STARD3NL: variants seen among roughly 807,000 people sequenced by gnomAD.
STARD3NL encodes STARD3 N-terminal-like protein.
STARD3NL carries 17 observed loss-of-function variants against 30.9 expected under a neutral mutation model. The ratio of observed to expected loss-of-function variants is 0.55; its 90% confidence interval spans 0.38 to 0.82. STARD3NL has a LOEUF of 0.82. STARD3NL is among the 40% of genes least tolerant of loss of function. STARD3NL has a pLI of 0.00. For synonymous variants in STARD3NL, 112 were observed against 100.5 expected (o/e 1.11, Z -0.69); for missense variants, 234 against 277.6 (o/e 0.84, Z 1.12).
intron 1 of STARD3NL, among the ~76,000 whole-genome samples, chr7:38,205,199 A>G (rs1583803086): frequency 1.3e-5 from 2 of 152,208 alleles, no homozygotes; most frequent in East Asian, 3.8e-4. Flanking sequence ...AGAATTTTAG[A>G]CCAATATCCC....
intron 1 of STARD3NL, among the ~76,000 whole-genome samples, chr7:38,199,004 C>G (rs116585608): frequency 3.5e-4 from 53 of 152,306 alleles, no homozygotes; most frequent in African/African-American, 1.1e-3. Flanking sequence ...AAATAGCTGA[C>G]TGATAATGTA....
intron 1 of STARD3NL, among the ~76,000 whole-genome samples, chr7:38,182,019 A>G (rs1784269071): frequency 6.6e-6 from 1 of 152,180 alleles, no homozygotes. Context: ...CTTTTCTCAT[A>G]GCACTTTTGG....
Position 38,215,106 on chromosome 7 carries a change from G to A in STARD3NL, c.381+1G>A, listed in dbSNP as rs778879762. 2.5e-6 allele frequency: 4 copies of A among 1,613,816 alleles called. No homozygotes were observed. Among genetic ancestry groups the A allele is most frequent in the Non-Finnish European group, 3.4e-6 (4 of 1,179,814 alleles). The stretch of plus-strand genomic sequence containing the variant: ...ACTGCGCCATTGGTGGGCAATAGCG[G>A]TGAGTATGCCCTGCATGAGTGGGTC... On this transcript the variant is annotated splice_donor_variant, in intron 4 of 8. Coordinates refer to ENST00000009041, the MANE Select transcript of STARD3NL (RefSeq NM_032016.4). LOFTEE classifies it high-confidence loss of function.
At chr7:38,219,472 G>T (rs1717267461) in intron 6 of STARD3NL, 93 bp from the exon 7 acceptor site, 1 of 806,590 alleles carries the variant, frequency 1.2e-6, no homozygotes. Flanking sequence ...GTATTTCATT[G>T]TAATAATAAT....
intron 1 of STARD3NL, among the ~76,000 whole-genome samples, chr7:38,189,505 A>G (rs1014136): frequency 0.23 from 34,392 of 152,094 alleles, 3,925 homozygotes; most frequent in Middle Eastern, 0.26. Flanking sequence ...CAGGGAACAA[A>G]TGAAGGAGCA....
At chr7:38,184,856 A>G (rs1784398141) in intron 1 of STARD3NL, among the ~76,000 whole-genome samples, 1 of 149,056 alleles carries the variant, frequency 6.7e-6, no homozygotes, top group Non-Finnish European at 1.5e-5. Context: ...ATATATATGT[A>G]TTTCCATAGT....
At chr7:38,188,147 C>T (rs11766341) in intron 1 of STARD3NL, among the ~76,000 whole-genome samples, 64,651 of 152,056 alleles carry the variant, frequency 0.43, 14,075 homozygotes, top group East Asian at 0.5. Context: ...GAAAATCTTC[C>T]GGTGTCTTCC....
intron 2 of STARD3NL, among the ~76,000 whole-genome samples, chr7:38,211,147 A>T (rs890836113): frequency 2.0e-5 from 3 of 152,232 alleles, no homozygotes; most frequent in Non-Finnish European, 4.4e-5. Context: ...CACTATTGTT[A>T]CATTTAAGTT....
In STARD3NL at chr7:38,178,332, C is replaced by T. The variant is rs1784098118; in HGVS notation, c.-147C>T. The stretch of plus-strand genomic sequence containing the variant: ...TGGACTGGGTCCCGGTCACGCCCCG[C>T]CAAGCCCCGCCCCTCAGGCCGGGGC... On this transcript the variant is annotated 5_prime_UTR_variant, in exon 1 of 9. Coordinates refer to ENST00000009041, the MANE Select transcript of STARD3NL (RefSeq NM_032016.4). 6.6e-6 allele frequency: 1 copy of T among 152,144 alleles called. No homozygotes were observed. The highest frequency in any genetic ancestry group is 1.5e-5 in the Non-Finnish European group (1 of 68,020). The allele number at this position is 152,144 out of a possible 1,614,324, so 9.4% of individuals were successfully genotyped here.
In STARD3NL at chr7:38,215,075, G is replaced by T. The variant is rs764736451; in HGVS notation, c.351G>T (p.Val117=). Residue 117 remains valine (V), a synonymous_variant, in exon 4 of 9, where the codon GTG becomes GTT. Coordinates refer to ENST00000009041, the MANE Select transcript of STARD3NL (RefSeq NM_032016.4). ...AAGTGTTAATACTTGCATATGCTGT[G>T]TGCAGACTGCGCCATTGGTGGGCAA... The part of the protein sequence containing the change: ...RFKVLILAYA[V]CRLRHWWAIA... The T allele has an allele frequency of 1.1e-5, 17 of 1,613,858 alleles. No individual in the cohort carries two copies. The East Asian group carries it at 3.6e-4, about 34-fold the overall frequency.
intron 1 of STARD3NL, among the ~76,000 whole-genome samples, chr7:38,194,036 C>G (rs1784804297): frequency 6.6e-6 from 1 of 152,078 alleles, no homozygotes; most frequent in Non-Finnish European, 1.5e-5. Flanking sequence ...CTGTCTGACT[C>G]CAGTCCCTTT....
At chr7:38,205,370 G>A (rs1030522296) in intron 1 of STARD3NL, among the ~76,000 whole-genome samples, 1 of 151,978 alleles carries the variant, frequency 6.6e-6, no homozygotes, top group African/African-American at 2.4e-5. Context: ...ATAAGAATTC[G>A]GTTTAGGTTT....
chr7:38,202,573 T>C (rs1785235093), intron 1 of STARD3NL, among the ~76,000 whole-genome samples: 1 of 152,156 alleles, frequency 6.6e-6, no homozygotes, highest in South Asian at 2.1e-4. Flanking sequence ...TTTATTTTTT[T>C]ATATTTTATT....
chr7:38,206,691 G>A (rs920781747), intron 1 of STARD3NL, among the ~76,000 whole-genome samples: 2 of 152,106 alleles, frequency 1.3e-5, no homozygotes, highest in African/African-American at 4.8e-5. Context: ...TAAGAGGATG[G>A]GGAAATGCTA....
rs185857890 is a variant in STARD3NL at position 38,223,431 on chromosome 7, A to G, written c.649+3771A>G. On this transcript the variant is annotated intron_variant, in intron 7 of 8. Coordinates refer to ENST00000009041, the MANE Select transcript of STARD3NL (RefSeq NM_032016.4). ...GTGAACCAGTTATGAAGCTGAAGAA[A>G]GGGTAATTTTTCACTTCCTAAACCA... is the stretch of plus-strand genomic sequence containing the variant. Among the ~76,000 whole-genome samples the G allele has an allele frequency of 2.0e-5, 3 of 152,318 alleles. No homozygotes were observed. The East Asian group carries it at 5.8e-4, about 29-fold the overall frequency.
chr7:38,207,406 A>C, intron 1 of STARD3NL, 41 bp from the exon 2 acceptor site: 1 of 933,666 alleles, frequency 1.1e-6, no homozygotes, highest in Non-Finnish European at 1.6e-6. Flanking sequence ...ATATTTGATC[A>C]GCTTGGATTT....
intron 2 of STARD3NL, among the ~76,000 whole-genome samples, chr7:38,209,035 A>G (rs1295184063): frequency 1.3e-5 from 2 of 152,190 alleles, no homozygotes; most frequent in Non-Finnish European, 2.9e-5. Context: ...TCACAGTGAC[A>G]TGGAACATGA....
intron 1 of STARD3NL, among the ~76,000 whole-genome samples, chr7:38,182,586 C>G (rs1784293757): frequency 6.6e-6 from 1 of 152,164 alleles, no homozygotes; most frequent in South Asian, 2.1e-4. Context: ...CTGGCAGCCT[C>G]TTACATGATG....
chr7:38,196,457 C>T (rs1188462078), intron 1 of STARD3NL, among the ~76,000 whole-genome samples: 1 of 152,084 alleles, frequency 6.6e-6, no homozygotes, highest in Non-Finnish European at 1.5e-5. Context: ...TAGTGTAACT[C>T]TCAGTATTCC....
Sources: gnomAD v4.1 joint callset for allele counts (sites outside exome capture counted in the v4.1 genomes callset) on GRCh38, gnomAD v4.1.1 for gene constraint, MANE v1.5 for transcripts, NCBI Gene and HGNC (gene_info 2026-07-23, HGNC 2026-07-21) for gene names.